PRKAG2: variants seen among roughly 807,000 people sequenced by gnomAD.
PRKAG2 encodes 5'-AMP-activated protein kinase subunit gamma-2.
Under a neutral mutation model 69.6 loss-of-function variants are expected in PRKAG2, and 26 were observed. That is an observed-to-expected ratio of 0.37 (90% CI 0.27 to 0.52). PRKAG2 has a LOEUF of 0.52. Among genes scored for constraint, PRKAG2 ranks in the 20% least tolerant of loss-of-function variants. The probability of loss-of-function intolerance (pLI) is 0.90; values close to 1 mark genes in which losing one functional copy is unlikely to be tolerated. For synonymous variants in PRKAG2, 293 were observed against 285.0 expected, an observed-to-expected ratio of 1.03 and a Z score of -0.28; for missense variants, 557 against 740.0, an observed-to-expected ratio of 0.75 and a Z score of 2.87.
intron 4 of PRKAG2, among the ~76,000 whole-genome samples, chr7:151,642,848 T>C (rs929545119): frequency 6.6e-6 from 1 of 152,222 alleles, no homozygotes; most frequent in Non-Finnish European, 1.5e-5. Context: ...ATTTCCAAAA[T>C]AGGAGACAAT....
At chr7:151,667,585 A>C (rs1212348288) in intron 4 of PRKAG2, among the ~76,000 whole-genome samples, 1 of 152,108 alleles carries the variant, frequency 6.6e-6, no homozygotes, top group African/African-American at 2.4e-5. Context: ...TCATAAGGCC[A>C]ACCCAGATCT....
At chr7:151,827,760 A>AAAAAAC (rs2078937157) in intron 1 of PRKAG2, among the ~76,000 whole-genome samples, 2 of 149,756 alleles carry the variant, frequency 1.3e-5, no homozygotes, top group South Asian at 2.1e-4. Flanking sequence ...AAAAAAAAAA[A>AAAAAAC]AAAAAAAAAA....
chr7:151,785,734 C>A (rs1381414104), intron 2 of PRKAG2, among the ~76,000 whole-genome samples: 1 of 152,176 alleles, frequency 6.6e-6, no homozygotes, highest in South Asian at 2.1e-4. Flanking sequence ...ACGTCCCCTA[C>A]CAGGCCTCCA....
chr7:151,632,072 C>T lies in PRKAG2; in HGVS notation c.751G>A (p.Glu251Lys), dbSNP rs796699703. 2.9e-6 allele frequency: 4 copies of T among 1,401,800 alleles called. No homozygotes were observed. The highest frequency in any genetic ancestry group is 3.8e-6 in the Non-Finnish European group (4 of 1,063,780). 86.8% of individuals were successfully genotyped at this position (1,401,800 alleles called of 1,614,324 possible). The change falls in exon 5 of 16, where the codon GAA becomes AAA. Residue 251 changes from glutamate (E) to lysine (K), a missense_variant. Transcript: ENST00000287878. The surrounding 1 kb of genome is among the most constrained non-coding windows in gnomAD (Gnocchi z 4.2). ...GCAGCGGGCGGGGCGCACTCACCTT[C>T]GTCCTCGAACTCCAGCTTCTCCAGC... ...GMLEKLEFED[E>K]AVEDSESGVY...
At chr7:151,833,395 G>T (rs539800771) in intron 1 of PRKAG2, among the ~76,000 whole-genome samples, 9 of 152,302 alleles carry the variant, frequency 5.9e-5, no homozygotes, top group Non-Finnish European at 1.2e-4. Flanking sequence ...ATGTTCAAAG[G>T]CTGTTCCAGC....
In PRKAG2 at chr7:151,673,838, CTTTTT is replaced by C. The variant is rs57744338; in HGVS notation, c.684+1577_684+1581del. On this transcript the variant is annotated intron_variant, in intron 4 of 15. Transcript: ENST00000287878. ...GCCCTCATCCAATGTAGCTTGTGTT[CTTTTT>C]TTTTTTTTTTTTTTTTTGAGACAGT... Among the ~76,000 whole-genome samples the C allele has an allele frequency of 3.1e-3, 268 of 87,576 alleles. 1 individual carries two copies. Among genetic ancestry groups the C allele is most frequent in the African/African-American group, 0.012 (259 of 22,076 alleles). 57.5% of individuals were successfully genotyped at this position (87,576 alleles called of 152,430 possible). A position where few individuals can be genotyped will look rare whatever the true frequency, so the allele number is the denominator to read the frequency against.
At chr7:151,738,969 C>T (rs1380734995) in intron 3 of PRKAG2, among the ~76,000 whole-genome samples, 2 of 152,140 alleles carry the variant, frequency 1.3e-5, no homozygotes, top group African/African-American at 4.8e-5. Flanking sequence ...ATTCTATCCC[C>T]GTGAGATGAA....
rs1240887208 is a variant in PRKAG2 at position 151,804,580 on chromosome 7, T to C, written c.115-18039A>G. ...ATGTCACCACGAGCCCTCCTCAGCATTGGACAGTTTGCTCTCCTAACTATG... is the reference window on the plus strand; with the variant it reads ...ATGTCACCACGAGCCCTCCTCAGCACTGGACAGTTTGCTCTCCTAACTATG... On this transcript the variant is annotated intron_variant, in intron 1 of 15. Transcript: ENST00000287878. 2.6e-5 allele frequency among the ~76,000 whole-genome samples: 4 copies of C among 152,160 alleles called. 1 individual carries two copies. The highest frequency in any genetic ancestry group is 4.1e-4 in the South Asian group (2 of 4,828).
At chr7:151,832,594 C>T (rs1441180743) in intron 1 of PRKAG2, among the ~76,000 whole-genome samples, 4 of 12,626 alleles carry the variant, frequency 3.2e-4, no homozygotes, top group East Asian at 3.5e-3. Context: ...TGAGGCATCT[C>T]TGGGGGGGGG....
chr7:151,628,442 TG>T (rs1461874942), intron 5 of PRKAG2, among the ~76,000 whole-genome samples: 1 of 152,182 alleles, frequency 6.6e-6, no homozygotes, highest in Admixed American at 6.5e-5. Flanking sequence ...CTGGGCACCG[TG>T]GTTCATGCCT....
intron 4 of PRKAG2, 28 bp downstream of exon 4, chr7:151,675,392 C>A: frequency 6.2e-7 from 1 of 1,601,892 alleles, no homozygotes; most frequent in Non-Finnish European, 8.6e-7. Flanking sequence ...CACCCGGCAG[C>A]CCCACCCACA....
chr7:151,863,771 C>T lies in PRKAG2; in HGVS notation c.114+12736G>A, dbSNP rs555265798. Among the ~76,000 whole-genome samples, 242 of 152,144 alleles carry T rather than the reference C, an allele frequency of 1.6e-3. 1 individual carries two copies. Among genetic ancestry groups the T allele is most frequent in the African/African-American group, 5.6e-3 (233 of 41,514 alleles). On this transcript the variant is annotated intron_variant, in intron 1 of 15. Transcript: ENST00000287878. The stretch of plus-strand genomic sequence containing the variant: ...CTCTATGAAAAATCAAAAAATTAGC[C>T]GGGCTTGGTGGCACCTGCGGTCCCG...
intron 3 of PRKAG2, among the ~76,000 whole-genome samples, chr7:151,715,321 GCAAAAA>G (rs1242951581): frequency 1.3e-4 from 1 of 7,576 alleles, no homozygotes; most frequent in African/African-American, 8.5e-4. Context: ...TGGCCTAAAA[GCAAAAA>G]AAAAAAAAAA....
chr7:151,736,442 A>C (rs1799830527), intron 3 of PRKAG2: 1 of 948,702 alleles, frequency 1.1e-6, no homozygotes, highest in African/African-American at 1.8e-5. Context: ...CCAGATAGGC[A>C]AAGGAGGCAC....
Position 151,786,552 on chromosome 7 carries a change from C to T in PRKAG2, c.115-11G>A. ...GAAGGAGCTCAGGTCCTAGGGTGGACAGAGAGCACGTGGTCAGTGACAGTG... is the reference window on the plus strand; with the variant it reads ...GAAGGAGCTCAGGTCCTAGGGTGGATAGAGAGCACGTGGTCAGTGACAGTG... On this transcript the variant is annotated splice_polypyrimidine_tract_variant and intron_variant, in intron 1 of 15. Transcript: ENST00000287878. 6.2e-7 allele frequency: 1 copy of T among 1,610,064 alleles called. No individual in the cohort carries two copies. Among genetic ancestry groups the T allele is most frequent in the Non-Finnish European group, 8.5e-7 (1 of 1,178,216 alleles).
chr7:151,810,170 C>G (rs2078343037), intron 1 of PRKAG2: 1 of 152,198 alleles, frequency 6.6e-6, no homozygotes, highest in South Asian at 2.1e-4. Context: ...TCCAGAAAAG[C>G]CTTAGAGAGC....
At chr7:151,689,558 C>T (rs1409014305) in intron 3 of PRKAG2, among the ~76,000 whole-genome samples, 6 of 152,300 alleles carry the variant, frequency 3.9e-5, no homozygotes, top group African/African-American at 7.2e-5. Flanking sequence ...CAGGAGAAGG[C>T]GGCAGAGGCG....
chr7:151,715,544 C>T (rs1387453475), intron 3 of PRKAG2, among the ~76,000 whole-genome samples: 1 of 151,702 alleles, frequency 6.6e-6, no homozygotes, highest in East Asian at 1.9e-4. Flanking sequence ...TTAGTAGAGA[C>T]GGGGTTTCAC....
intron 1 of PRKAG2, chr7:151,810,856 T>G (rs1349721758): frequency 1.3e-5 from 2 of 153,306 alleles, no homozygotes; most frequent in Non-Finnish European, 2.9e-5. Context: ...TCTCCCTACC[T>G]CCCCTGGGTC....
Sources: gnomAD v4.1 joint callset for allele counts (sites outside exome capture counted in the v4.1 genomes callset) on GRCh38, gnomAD v4.1.1 for gene constraint, Gnocchi (gnomAD v3.1) non-coding constraint, MANE v1.5 for transcripts, NCBI Gene and HGNC (gene_info 2026-07-23, HGNC 2026-07-21) for gene names.